The following CDH18 variants were observed in gnomAD, a reference collection of about 807,000 sequenced individuals.
CDH18 encodes cadherin 18, also known as cadherin-18.
Under a neutral mutation model 67.9 loss-of-function variants are expected in CDH18, and 31 were observed. The observed-to-expected ratio is 0.46, with a 90% confidence interval of 0.34 to 0.62. The LOEUF is 0.62. CDH18 is among the 20% of genes least tolerant of loss of function. The pLI is 0.01. For synonymous variants in CDH18, 362 were observed against 347.2 expected (o/e 1.04, Z -0.48); for missense variants, 890 against 975.5 (o/e 0.91, Z 1.17).
intron 5 of CDH18, among the ~76,000 whole-genome samples, chr5:19,657,465 G>T (rs887972091): frequency 6.6e-6 from 1 of 152,028 alleles, no homozygotes; most frequent in Middle Eastern, 3.2e-3. Context: ...TATATCCTTA[G>T]AAAAGAAGGG....
At chr5:20,376,289 T>G (rs1743434932) in intron 1 of CDH18, among the ~76,000 whole-genome samples, 1 of 151,286 alleles carries the variant, frequency 6.6e-6, no homozygotes, top group Admixed American at 6.6e-5. Context: ...GAGACGGGGT[T>G]TCGTTAGCCA....
chr5:20,203,581 A>AAGAGAGAGAGAGAGAGAGAGAGAGAG (rs57913549), intron 2 of CDH18, among the ~76,000 whole-genome samples: 122 of 145,480 alleles, frequency 8.4e-4, no homozygotes, highest in African/African-American at 2.7e-3. Context: ...GTGGAGGGAA[A>AAGAGAGAGAGAGAGAGAGAGAGAGAG]AGAGAGAGAG....
intron 9 of CDH18, among the ~76,000 whole-genome samples, chr5:19,538,809 C>A (rs1749803651): frequency 6.6e-6 from 1 of 152,108 alleles, no homozygotes; most frequent in Admixed American, 6.5e-5. Context: ...AGAGGAGGCA[C>A]CTTTCTCTTG....
intron 2 of CDH18, among the ~76,000 whole-genome samples, chr5:19,975,764 G>C (rs535323041): frequency 3.3e-5 from 5 of 152,122 alleles, no homozygotes; most frequent in African/African-American, 1.2e-4. Flanking sequence ...ATTTCTTTTA[G>C]TAAAAGAATG....
intron 5 of CDH18, among the ~76,000 whole-genome samples, chr5:19,635,385 A>G (rs1417169609): frequency 1.3e-5 from 2 of 152,204 alleles, no homozygotes; most frequent in Non-Finnish European, 2.9e-5. Flanking sequence ...TGTACATACA[A>G]AAATACATAT....
At chr5:19,643,021 C>T (rs1272358710) in intron 5 of CDH18, among the ~76,000 whole-genome samples, 1 of 151,772 alleles carries the variant, frequency 6.6e-6, no homozygotes, top group Non-Finnish European at 1.5e-5. Flanking sequence ...GAATTAAAAA[C>T]AAGTAAAGAT....
intron 1 of CDH18, among the ~76,000 whole-genome samples, chr5:20,328,990 AC>A (rs1738898994): frequency 1.3e-5 from 2 of 152,144 alleles, no homozygotes; most frequent in East Asian, 1.9e-4. Flanking sequence ...CAGAAATAAA[AC>A]CCCCCAAAAA....
At chr5:19,720,691 A>G (rs2150575446) in intron 5 of CDH18, among the ~76,000 whole-genome samples, 1 of 152,300 alleles carries the variant, frequency 6.6e-6, no homozygotes. Context: ...TTGACATGAT[A>G]TGATTGACAT....
chr5:19,903,055 C>A (rs142757953), intron 2 of CDH18, among the ~76,000 whole-genome samples: 5 of 151,666 alleles, frequency 3.3e-5, no homozygotes, highest in Admixed American at 2.0e-4. Context: ...TATTCTATAT[C>A]TCTATACAAC....
intron 2 of CDH18, among the ~76,000 whole-genome samples, chr5:20,249,459 T>C (rs1194122564): frequency 6.7e-6 from 1 of 148,922 alleles, no homozygotes; most frequent in African/African-American, 2.5e-5. Context: ...ATTGGCTCAC[T>C]GCAAGCTCCG....
intron 1 of CDH18, among the ~76,000 whole-genome samples, chr5:20,285,481 C>G (rs1339274426): frequency 6.7e-6 from 1 of 149,202 alleles, no homozygotes; most frequent in Non-Finnish European, 1.5e-5. Context: ...TCTTGACCAT[C>G]CATTGCTTGG....
At chr5:19,679,281 C>T (rs758257697) in intron 5 of CDH18, among the ~76,000 whole-genome samples, 11 of 151,912 alleles carry the variant, frequency 7.2e-5, no homozygotes, top group Non-Finnish European at 1.3e-4. Flanking sequence ...TCTCAACAAA[C>T]TAGGCATTGA....
chr5:20,174,075 T>G (rs1737047382), intron 2 of CDH18, among the ~76,000 whole-genome samples: 1 of 152,192 alleles, frequency 6.6e-6, no homozygotes, highest in Non-Finnish European at 1.5e-5. Flanking sequence ...CCCACAGAAC[T>G]TTTTAATAAA....
intron 2 of CDH18, among the ~76,000 whole-genome samples, chr5:20,133,440 A>G (rs1475211386): frequency 6.6e-6 from 1 of 152,124 alleles, no homozygotes; most frequent in Non-Finnish European, 1.5e-5. Context: ...CCATGATTCA[A>G]TTGCCTCCCA....
intron 4 of CDH18, among the ~76,000 whole-genome samples, chr5:19,735,569 G>A (rs1768200711): frequency 6.6e-6 from 1 of 151,872 alleles, no homozygotes; most frequent in Admixed American, 6.6e-5. Flanking sequence ...CTAATTGTTT[G>A]TATTTTTAGT....
rs1554022268 is a variant in CDH18 at position 19,480,384 on chromosome 5, T to TTTATTTA, written c.1882+2910_1882+2916dup. On this transcript the variant is annotated intron_variant, in intron 12 of 12. Transcript: ENST00000382275. ...ATTTATTTATTTATTTATTTATTTA[T>TTTATTTA]TTATTTATTTGAGATGGAGTCTCAC... is the stretch of plus-strand genomic sequence containing the variant. Among the ~76,000 whole-genome samples, 340 of 150,086 alleles carry TTTATTTA rather than the reference T, an allele frequency of 2.3e-3. 1 individual carries two copies. The highest frequency in any genetic ancestry group is 7.7e-3 in the African/African-American group (312 of 40,618).
chr5:20,102,682 T>C (rs1453234805), intron 2 of CDH18, among the ~76,000 whole-genome samples: 1 of 152,144 alleles, frequency 6.6e-6, no homozygotes, highest in Non-Finnish European at 1.5e-5. Context: ...CTGCAGACAC[T>C]AATTCAATCT....
At chr5:19,965,893 C>A (rs1030920938) in intron 2 of CDH18, among the ~76,000 whole-genome samples, 1 of 152,162 alleles carries the variant, frequency 6.6e-6, no homozygotes, top group Middle Eastern at 3.4e-3. Flanking sequence ...TCTCTCCCAG[C>A]GACACTTACA....
intron 5 of CDH18, among the ~76,000 whole-genome samples, chr5:19,662,142 CTT>C (rs70950081): frequency 9.5e-5 from 14 of 147,724 alleles, no homozygotes; most frequent in African/African-American, 3.5e-4. Context: ...TTAAAGATGA[CTT>C]TTTTTTTTTT....
Sources: gnomAD v4.1 joint callset for allele counts (sites outside exome capture counted in the v4.1 genomes callset) on GRCh38, gnomAD v4.1.1 for gene constraint, MANE v1.5 for transcripts, NCBI Gene and HGNC (gene_info 2026-07-23, HGNC 2026-07-21) for gene names.